Variants in HIF3A observed in about 807,000 individuals in gnomAD.
The protein encoded by HIF3A is hypoxia-inducible factor 3-alpha.
HIF3A carries 41 observed loss-of-function variants against 67.2 expected under a neutral mutation model. That is an observed-to-expected ratio of 0.61 (90% CI 0.48 to 0.79). The LOEUF (loss-of-function observed/expected upper bound fraction) is 0.79. HIF3A is among the 30% of genes least tolerant of loss of function. The pLI, the probability that HIF3A is intolerant of heterozygous loss-of-function variation, is 0.00. For synonymous variants in HIF3A, 356 were observed against 374.8 expected (o/e 0.95, Z 0.58); for missense variants, 855 against 898.0 (o/e 0.95, Z 0.61).
chr19:46,304,040 A>C lies in HIF3A; in HGVS notation c.169A>C (p.Met57Leu). 6.3e-7 allele frequency: 1 copy of C among 1,588,592 alleles called. No homozygotes were observed. The highest frequency in any genetic ancestry group is 8.6e-7 in the Non-Finnish European group (1 of 1,168,272). Residue 57 changes from methionine to leucine, a missense_variant, in exon 2 of 15, where the codon ATG (methionine) becomes CTG (leucine). Met to Leu is a conservative substitution (Grantham distance 15, BLOSUM62 2). Coordinates refer to ENST00000377670, the MANE Select transcript of HIF3A (RefSeq NM_152795.4). ...VSAHLDKASI[M>L]RLTISYLRMH... ...CGCCCACCTGGACAAGGCCTCTATCATGCGCCTCACCATCAGCTACCTGCG... is the reference window on the plus strand; with the variant it reads ...CGCCCACCTGGACAAGGCCTCTATCCTGCGCCTCACCATCAGCTACCTGCG...
At chr19:46,306,010 T>C (rs975629621) in intron 3 of HIF3A, among the ~76,000 whole-genome samples, 1 of 151,626 alleles carries the variant, frequency 6.6e-6, no homozygotes, top group African/African-American at 2.4e-5. Context: ...GCCTGGGAGG[T>C]GGAAGTTGCA....
At chr19:46,320,710 C>T in intron 9 of HIF3A, 149 bp downstream of exon 9, 1 of 625,576 alleles carries the variant, frequency 1.6e-6, no homozygotes, top group African/African-American at 1.8e-5. Context: ...ACACAGCCTC[C>T]TAAGAGCCCT....
chr19:46,320,123 G>A (rs571379161), intron 8 of HIF3A: 8 of 214,454 alleles, frequency 3.7e-5, no homozygotes, highest in Admixed American at 1.1e-4. Flanking sequence ...CCAGCTACTC[G>A]GAAGGCTGAG....
At chr19:46,303,527 A>G in intron 1 of HIF3A, 1 of 1,230,718 alleles carries the variant, frequency 8.1e-7, no homozygotes, top group Non-Finnish European at 1.1e-6. Context: ...GCCCCTGGCC[A>G]GCTCAGCCAG....
intron 8 of HIF3A, among the ~76,000 whole-genome samples, chr19:46,313,920 C>T (rs1403501148): frequency 1.3e-5 from 2 of 152,104 alleles, no homozygotes; most frequent in Admixed American, 1.3e-4. Flanking sequence ...CCTCAGCCTC[C>T]CAAAGTGTTG....
In HIF3A at chr19:46,331,164, C is replaced by T; in HGVS notation, c.1721C>T (p.Ala574Val). Reference protein sequence around the residue: ...PMAGARKRTLAQSSEDEDEGV... With the variant: ...PMAGARKRTLVQSSEDEDEGV... ...TGCCTGTTTTCCTCCAGGACCCTGG[C>T]CCAGAGCTCAGAGGACGAGGACGAG... The change falls in exon 13 of 15, where the codon GCC becomes GTC. Residue 574 changes from alanine to valine, a missense_variant. Physicochemically the swap from Ala to Val is moderately conservative, Grantham distance 64. This residue lies in a region of HIF3A where 199 missense variants were observed against 193.8 expected (regional missense o/e 1.03). Transcript: ENST00000377670. 1 of 1,612,402 alleles carries T rather than the reference C, an allele frequency of 6.2e-7. No homozygotes were observed. The highest frequency in any genetic ancestry group is 8.5e-7 in the Non-Finnish European group (1 of 1,178,850).
At chr19:46,314,676 G>A (rs1376997066) in intron 8 of HIF3A, among the ~76,000 whole-genome samples, 2 of 146,750 alleles carry the variant, frequency 1.4e-5, no homozygotes, top group African/African-American at 2.5e-5. Flanking sequence ...TTCTGCTTCA[G>A]CCTCCTGAGT....
chr19:46,299,282 G>A (rs1968127278), intron 1 of HIF3A, among the ~76,000 whole-genome samples: 1 of 152,236 alleles, frequency 6.6e-6, no homozygotes, highest in South Asian at 2.1e-4. Context: ...CAAAAGAGGG[G>A]TGGGGCAGGG....
Position 46,298,517 on chromosome 19 carries a change from G to A in HIF3A, c.26+1415G>A, listed in dbSNP as rs529248450. Reference sequence around the variant, plus strand: ...AGCCAACGGGGGCCTGGGCGATGGTGAGTGGGCCCCCAACACCTCCTTTCC... The same window carrying A: ...AGCCAACGGGGGCCTGGGCGATGGTAAGTGGGCCCCCAACACCTCCTTTCC... On this transcript the variant is annotated intron_variant, in intron 1 of 14. Transcript: ENST00000377670. 42 of 1,274,274 alleles carry A rather than the reference G, an allele frequency of 3.3e-5. 1 individual carries two copies. The highest frequency in any genetic ancestry group is 4.1e-6 in the Non-Finnish European group (4 of 981,232). 78.9% of individuals were successfully genotyped at this position (1,274,274 alleles called of 1,614,324 possible). A position where few individuals can be genotyped will look rare whatever the true frequency, so the allele number is the denominator to read the frequency against.
At chr19:46,318,164 A>G (rs191204885) in intron 8 of HIF3A, among the ~76,000 whole-genome samples, 41 of 151,060 alleles carry the variant, frequency 2.7e-4, no homozygotes, top group South Asian at 1.5e-3. Context: ...ATCTAACCCA[A>G]CGTTGTCCAA....
intron 12 of HIF3A, 38 bp downstream of exon 12, chr19:46,329,516 C>G: frequency 6.8e-7 from 1 of 1,468,268 alleles, no homozygotes; most frequent in Non-Finnish European, 9.0e-7. Context: ...AGGCAGCATC[C>G]CCTCACCCCG....
In HIF3A at chr19:46,297,066, A is replaced by G; in HGVS notation, c.-11A>G. 2 of 1,304,198 alleles carry G rather than the reference A, an allele frequency of 1.5e-6. No homozygotes were observed. Among genetic ancestry groups the G allele is most frequent in the South Asian group, 3.2e-5 (1 of 31,290 alleles). The allele number at this position is 1,304,198 out of a possible 1,614,324, so 80.8% of individuals were successfully genotyped here. A position where few individuals can be genotyped will look rare whatever the true frequency, so the allele number is the denominator to read the frequency against. ...GGCCTCCGAGGGCTCCGGAGCGGCG[A>G]CTGGCGAGCCATGGCGCTGGGGCTG... is the stretch of plus-strand genomic sequence containing the variant. On this transcript the variant is annotated 5_prime_UTR_variant, in exon 1 of 15. Transcript: ENST00000377670. The surrounding 1 kb of genome is among the most constrained non-coding windows in gnomAD (Gnocchi z 4.5).
chr19:46,308,735 G>A lies in HIF3A; in HGVS notation c.521G>A (p.Ser174Asn). The A allele has an allele frequency of 6.2e-7, 1 of 1,610,270 alleles. No individual in the cohort carries two copies. The part of the protein sequence containing the change: ...FSLRMKSTLT[S>N]RGRTLNLKAA... ...TTGCGCATGAAGAGTACACTCACCA[G>A]CCGCGGGCGCACCCTCAACCTCAAG... The change falls in exon 5 of 15, where the codon AGC becomes AAC. Residue 174 changes from serine (S) to asparagine (N), a missense_variant. Physicochemically the swap from Ser to Asn is conservative, Grantham distance 46 (BLOSUM62 1). This residue lies in a region of HIF3A where 638 missense variants were observed against 660.5 expected (regional missense o/e 0.97). Coordinates refer to ENST00000377670, the MANE Select transcript of HIF3A (RefSeq NM_152795.4).
At chr19:46,302,203 C>T (rs1233291543) in intron 1 of HIF3A, among the ~76,000 whole-genome samples, 1 of 152,030 alleles carries the variant, frequency 6.6e-6, no homozygotes. Context: ...GATCTTGGCT[C>T]ACTGCAACCT....
At chr19:46,324,205 AAAAG>A (rs1270726870) in intron 10 of HIF3A, among the ~76,000 whole-genome samples, 3 of 152,202 alleles carry the variant, frequency 2.0e-5, no homozygotes, top group Non-Finnish European at 4.4e-5. Context: ...CTTCACCTAT[AAAAG>A]AAAGATAATA....
At chr19:46,304,129 C>G in intron 2 of HIF3A, 41 bp downstream of exon 2, 1 of 1,516,546 alleles carries the variant, frequency 6.6e-7, no homozygotes, top group Non-Finnish European at 8.9e-7. Flanking sequence ...GGTCAGGCCC[C>G]GCCCACGGAA....
chr19:46,324,890 TTA>T (rs548474180), intron 10 of HIF3A, among the ~76,000 whole-genome samples: 260 of 136,992 alleles, frequency 1.9e-3, no homozygotes, highest in Middle Eastern at 7.9e-3. Flanking sequence ...ATGTTTTTAT[TTA>T]TATATATATA....
In HIF3A at chr19:46,301,544, C is replaced by T. The variant is rs184574989; in HGVS notation, c.27-2354C>T. On this transcript the variant is annotated intron_variant, in intron 1 of 14. Transcript: ENST00000377670. ...AGTGGAAGTTTAAAATGCCCCCCTC[C>T]GCCGGGCATGGTGGCTCACGCCTGT... Among the ~76,000 whole-genome samples the T allele has an allele frequency of 4.5e-4, 69 of 152,188 alleles. 1 individual carries two copies. The East Asian group carries it at 0.013, about 29-fold the overall frequency.
chr19:46,309,022 T>C (rs1339973595), intron 5 of HIF3A, 129 bp from the exon 6 acceptor site: 11 of 810,450 alleles, frequency 1.4e-5, no homozygotes, highest in Non-Finnish European at 2.0e-5. Context: ...CTCAGTCCCT[T>C]TGAACCTGAA....
Sources: allele counts gnomAD v4.1 joint callset (sites outside exome capture counted in the v4.1 genomes callset), GRCh38; gene constraint gnomAD v4.1.1; regional missense constraint gnomAD v4.1.1; non-coding constraint Gnocchi (gnomAD v3.1); transcripts MANE v1.5; gene names NCBI Gene and HGNC (gene_info 2026-07-23, HGNC 2026-07-21).